SLC1A7: variants seen among roughly 807,000 people sequenced by gnomAD.
SLC1A7 encodes excitatory amino acid transporter 5.
A neutral mutation model predicts 47.7 loss-of-function variants in SLC1A7; 40 were observed. The observed-to-expected ratio is 0.84, with a 90% CI of 0.65 to 1.09. The LOEUF (loss-of-function observed/expected upper bound fraction) is 1.09. SLC1A7 is among the 50% of genes least tolerant of loss of function. SLC1A7 has a pLI of 0.00. For missense variants in SLC1A7, 746 were observed against 769.5 expected (o/e 0.97, Z 0.36); for synonymous variants, 323 against 325.6 (o/e 0.99, Z 0.09).
chr1:53,134,204 C>T (rs375983156), intron 2 of SLC1A7, 146 bp downstream of exon 2: 66 of 567,646 alleles, frequency 1.2e-4, no homozygotes, highest in African/African-American at 8.8e-4. Context: ...CGGCAGCCCA[C>T]GGCACTGCCC....
intron 5 of SLC1A7, among the ~76,000 whole-genome samples, chr1:53,095,759 ACTC>A (rs1644480198): frequency 7.1e-6 from 1 of 141,836 alleles, no homozygotes. Context: ...CGGTACACTC[ACTC>A]CACCTTGTTA....
chr1:53,141,738 C>T (rs1330610994), intron 1 of SLC1A7, among the ~76,000 whole-genome samples: 1 of 152,002 alleles, frequency 6.6e-6, no homozygotes, highest in Non-Finnish European at 1.5e-5. Context: ...TTCTCGGCCC[C>T]CTGCCTGCCC....
chr1:53,088,143 C>T lies in SLC1A7; in HGVS notation c.1549G>A (p.Glu517Lys), dbSNP rs868705614. ...GGGCCCAGGGTGAGCTCGGAGGCCT[C>T]GGCTACACTCTTCACACAGCCATTC... ...QQNGCVKSVA[E>K]ASELTLGPTC... Residue 517 changes from glutamate (E) to lysine (K), a missense_variant, in exon 11 of 11, where the codon GAG becomes AAG. Physicochemically the swap from Glu to Lys is moderately conservative, Grantham distance 56 (BLOSUM62 1). Coordinates refer to ENST00000371494, the MANE Select transcript of SLC1A7 (RefSeq NM_006671.6). 1.1e-5 allele frequency: 17 copies of T among 1,613,274 alleles called. No homozygotes were observed. Among genetic ancestry groups the T allele is most frequent in the East Asian group, 2.2e-5 (1 of 44,876 alleles).
chr1:53,108,436 C>A, intron 3 of SLC1A7: 1 of 623,968 alleles, frequency 1.6e-6, no homozygotes, highest in East Asian at 2.8e-5. Flanking sequence ...TCTCCATTCT[C>A]CCGTCCTTCC....
At position 53,105,784 on chromosome 1, in the gene SLC1A7, G is replaced by A; in HGVS notation, c.432-10C>T. On this transcript the variant is annotated splice_polypyrimidine_tract_variant and intron_variant, in intron 3 of 10. Coordinates refer to ENST00000371494, the MANE Select transcript of SLC1A7 (RefSeq NM_006671.6). ...GGCTGGGAACATGTTCCTAGGAAGA[G>A]AATCAGCAATTGAAAAATTCCAGAG... 6.2e-7 allele frequency: 1 copy of A among 1,612,850 alleles called. No individual in the cohort carries two copies. Among genetic ancestry groups the A allele is most frequent in the Middle Eastern group, 1.7e-4 (1 of 6,058 alleles).
At chr1:53,100,510 C>T (rs1323142518) in intron 5 of SLC1A7, among the ~76,000 whole-genome samples, 1 of 149,478 alleles carries the variant, frequency 6.7e-6, no homozygotes, top group East Asian at 1.9e-4. Flanking sequence ...CATTCACACA[C>T]ACCACCTCGG....
chr1:53,126,417 G>A (rs1042377736), intron 2 of SLC1A7, among the ~76,000 whole-genome samples: 2 of 152,218 alleles, frequency 1.3e-5, no homozygotes, highest in African/African-American at 4.8e-5. Flanking sequence ...ACTATAAGGC[G>A]GGGGTGGTGG....
At chr1:53,107,131 G>A (rs1174543711) in intron 3 of SLC1A7, among the ~76,000 whole-genome samples, 4 of 145,330 alleles carry the variant, frequency 2.8e-5, no homozygotes, top group Non-Finnish European at 6.0e-5. Flanking sequence ...ACTCCAGCCT[G>A]GGGACAGAGT....
intron 5 of SLC1A7, among the ~76,000 whole-genome samples, chr1:53,101,545 C>T (rs1644580853): frequency 6.6e-6 from 1 of 150,642 alleles, no homozygotes; most frequent in Admixed American, 6.6e-5. Context: ...GTCACACTCA[C>T]TCACCCTGCC....
At chr1:53,097,255 C>G (rs138245962) in intron 5 of SLC1A7, among the ~76,000 whole-genome samples, 1 of 149,364 alleles carries the variant, frequency 6.7e-6, no homozygotes, top group African/African-American at 2.5e-5. Context: ...CATTTTTTCT[C>G]GGTACACTCA....
intron 2 of SLC1A7, among the ~76,000 whole-genome samples, chr1:53,120,360 C>T (rs950624233): frequency 1.3e-5 from 2 of 152,136 alleles, no homozygotes; most frequent in African/African-American, 4.8e-5. Context: ...TGTAGTCGCA[C>T]CTCCCTACAG....
At chr1:53,090,475 C>T (rs1644407612) in intron 8 of SLC1A7, 137 bp downstream of exon 8, 6 of 1,352,948 alleles carry the variant, frequency 4.4e-6, no homozygotes, top group African/African-American at 1.5e-5. Flanking sequence ...GCTCGGAGCT[C>T]CCAGCCCTGG....
intron 2 of SLC1A7, among the ~76,000 whole-genome samples, chr1:53,134,071 A>G (rs189127451): frequency 1.6e-4 from 25 of 151,802 alleles, no homozygotes; most frequent in Admixed American, 5.2e-4. Flanking sequence ...CCAACCCTCA[A>G]CTCCCTGGCC....
intron 2 of SLC1A7, among the ~76,000 whole-genome samples, chr1:53,132,291 C>T (rs531973791): frequency 2.0e-5 from 3 of 152,000 alleles, no homozygotes; most frequent in Non-Finnish European, 4.4e-5. Context: ...AGAAGTGAGG[C>T]GAGGAGACCA....
intron 3 of SLC1A7, chr1:53,108,591 A>G (rs748413135): frequency 1.4e-6 from 1 of 718,104 alleles, no homozygotes; most frequent in South Asian, 1.5e-5. Context: ...GTGCCCATTC[A>G]GCCAGGACCC....
At chr1:53,132,126 G>A (rs769714622) in intron 2 of SLC1A7, among the ~76,000 whole-genome samples, 4 of 152,158 alleles carry the variant, frequency 2.6e-5, no homozygotes, top group East Asian at 1.9e-4. Flanking sequence ...TGGGGTGGGC[G>A]AGGCAGATCA....
intron 2 of SLC1A7, among the ~76,000 whole-genome samples, chr1:53,129,988 T>A (rs1644926318): frequency 6.6e-6 from 1 of 152,154 alleles, no homozygotes; most frequent in African/African-American, 2.4e-5. Flanking sequence ...GATGAGTGGC[T>A]CTTCCGAATA....
At chr1:53,103,765 C>T (rs1644610312) in intron 4 of SLC1A7, 197 bp from the exon 5 acceptor site, 3 of 534,350 alleles carry the variant, frequency 5.6e-6, no homozygotes, top group East Asian at 3.2e-5. Flanking sequence ...CCTTCCTCTA[C>T]CACCACACCA....
intron 5 of SLC1A7, among the ~76,000 whole-genome samples, chr1:53,094,445 C>T (rs1644461031): frequency 6.6e-6 from 1 of 152,234 alleles, no homozygotes; most frequent in Non-Finnish European, 1.5e-5. Flanking sequence ...GCACTCTCTA[C>T]AGCTGCCCTC....
Sources: allele counts gnomAD v4.1 joint callset (sites outside exome capture counted in the v4.1 genomes callset), GRCh38; gene constraint gnomAD v4.1.1; transcripts MANE v1.5; gene names NCBI Gene and HGNC (gene_info 2026-07-23, HGNC 2026-07-21).